The following KCNMA1 variants were observed in gnomAD, a reference collection of about 807,000 sequenced individuals.
KCNMA1 encodes the protein Calcium-activated potassium channel subunit alpha-1.
A neutral mutation model predicts 140.0 loss-of-function variants in KCNMA1; 29 were observed. The ratio of observed to expected loss-of-function variants is 0.21; its 90% CI spans 0.15 to 0.28. The LOEUF is 0.28. Ranked by LOEUF, KCNMA1 falls within the 10% of genes least tolerant of loss-of-function variation. The pLI, the probability that KCNMA1 is intolerant of heterozygous loss-of-function variation, is 1.00. For synonymous variants in KCNMA1, 612 were observed against 611.9 expected, an observed-to-expected ratio of 1.00 and a Z score of 0.00; for missense variants, 880 against 1,602.2, an observed-to-expected ratio of 0.55 and a Z score of 7.70.
intron 1 of KCNMA1, among the ~76,000 whole-genome samples, chr10:77,566,009 C>T (rs1790787662): frequency 7.0e-6 from 1 of 142,788 alleles, no homozygotes; most frequent in Non-Finnish European, 1.6e-5. Context: ...ATTCTCTCCC[C>T]TAAAATCTTC....
chr10:77,223,619 C>T (rs534243756), intron 3 of KCNMA1, among the ~76,000 whole-genome samples: 2 of 152,278 alleles, frequency 1.3e-5, no homozygotes, highest in South Asian at 4.1e-4. Flanking sequence ...CTTACTAGAA[C>T]ACAAGTTCAT....
At chr10:77,385,196 A>C (rs1346103838) in intron 2 of KCNMA1, among the ~76,000 whole-genome samples, 1 of 152,214 alleles carries the variant, frequency 6.6e-6, no homozygotes, top group Admixed American at 6.5e-5. Flanking sequence ...TTATTGAATA[A>C]AAATATGACA....
rs1336572034 is a variant in KCNMA1, at chr10:77,008,396, G to A, written c.2092+3571C>T. ...GAAGAAATGTAAATCATTAGACAAG[G>A]TTTGTTATATAGAAAAAGAAAATGA... On this transcript the variant is annotated intron_variant, in intron 18 of 27. Transcript: ENST00000286628. 2.0e-5 allele frequency among the ~76,000 whole-genome samples: 3 copies of A among 152,180 alleles called. No individual in the cohort carries two copies. In the East Asian group the frequency reaches 5.8e-4, roughly 29 times the overall value.
chr10:77,143,643 A>T (rs1033564415), intron 5 of KCNMA1, among the ~76,000 whole-genome samples: 5 of 152,186 alleles, frequency 3.3e-5, no homozygotes, highest in African/African-American at 7.2e-5. Flanking sequence ...GCCTCTATAA[A>T]CAAACACAGC....
At chr10:77,420,967 G>C (rs570884670) in intron 1 of KCNMA1, among the ~76,000 whole-genome samples, 1 of 152,324 alleles carries the variant, frequency 6.6e-6, no homozygotes, top group African/African-American at 2.4e-5. Flanking sequence ...GTTTCTATCA[G>C]TCACATCATG....
chr10:77,111,670 G>A (rs934241757), intron 7 of KCNMA1, among the ~76,000 whole-genome samples: 4 of 152,126 alleles, frequency 2.6e-5, no homozygotes, highest in Admixed American at 1.3e-4. Context: ...GTAGCTAAGC[G>A]CGTCCTTCTA....
chr10:77,082,794 AC>A (rs1451953312), intron 12 of KCNMA1, among the ~76,000 whole-genome samples: 1 of 152,120 alleles, frequency 6.6e-6, no homozygotes, highest in Non-Finnish European at 1.5e-5. Context: ...TCACGCATCC[AC>A]TTCCTTAAAA....
At chr10:77,051,613 G>A (rs946514491) in intron 14 of KCNMA1, among the ~76,000 whole-genome samples, 1 of 152,170 alleles carries the variant, frequency 6.6e-6, no homozygotes, top group Non-Finnish European at 1.5e-5. Flanking sequence ...ATAAATTGCT[G>A]AGGTATTTAG....
intron 14 of KCNMA1, among the ~76,000 whole-genome samples, chr10:77,060,639 G>C (rs1227132098): frequency 1.3e-5 from 2 of 152,180 alleles, no homozygotes; most frequent in Non-Finnish European, 2.9e-5. Context: ...TTGTTTTGCA[G>C]GGTTGAGACT....
At chr10:77,052,262 C>G (rs942193513) in intron 14 of KCNMA1, among the ~76,000 whole-genome samples, 2 of 152,162 alleles carry the variant, frequency 1.3e-5, no homozygotes, top group African/African-American at 2.4e-5. Flanking sequence ...CTCTGCCACC[C>G]ATGGACTTTC....
intron 15 of KCNMA1, among the ~76,000 whole-genome samples, chr10:77,036,553 A>C (rs908616757): frequency 4.6e-5 from 7 of 152,178 alleles, no homozygotes; most frequent in Non-Finnish European, 8.8e-5. Context: ...AATTACAGAA[A>C]CTGCTCTGAA....
chr10:77,293,534 G>A (rs1040390530), intron 2 of KCNMA1, among the ~76,000 whole-genome samples: 1 of 152,182 alleles, frequency 6.6e-6, no homozygotes, highest in Non-Finnish European at 1.5e-5. Context: ...GAAGGTTCCT[G>A]GTGAAAGGAC....
intron 1 of KCNMA1, among the ~76,000 whole-genome samples, chr10:77,539,837 C>G (rs572355821): frequency 6.6e-6 from 1 of 152,160 alleles, no homozygotes; most frequent in East Asian, 1.9e-4. Flanking sequence ...GCTGGGGAAG[C>G]AGTGGGAATA....
At position 77,251,136 on chromosome 10, in the gene KCNMA1, A is replaced by G. The variant is rs45602845; in HGVS notation, c.602+59T>C. On this transcript the variant is annotated intron_variant, in intron 3 of 27. Coordinates refer to ENST00000286628, the MANE Select transcript of KCNMA1 (RefSeq NM_001161352.2). ...GGTGTCAAGGTAAATAAATGGATCA[A>G]TGTAAAGGCTCATGATTGTTTATGA... The G allele has an allele frequency of 0.017, 21,924 of 1,328,260 alleles. 1,347 individuals carry two copies. In the East Asian group the frequency reaches 0.2, roughly 12 times the overall value. 82.3% of individuals were successfully genotyped at this position (1,328,260 alleles called of 1,614,324 possible).
At chr10:77,627,345 T>TA (rs1257665858) in intron 1 of KCNMA1, among the ~76,000 whole-genome samples, 2 of 152,122 alleles carry the variant, frequency 1.3e-5, no homozygotes, top group African/African-American at 4.8e-5. Context: ...ACCTTGGAGA[T>TA]ACAAGGCACG....
At chr10:77,484,568 G>A (rs2098439921) in intron 1 of KCNMA1, among the ~76,000 whole-genome samples, 1 of 152,132 alleles carries the variant, frequency 6.6e-6, no homozygotes, top group Non-Finnish European at 1.5e-5. Context: ...CAAGGCTCTG[G>A]GCCATCAGTC....
intron 1 of KCNMA1, among the ~76,000 whole-genome samples, chr10:77,450,881 A>G (rs1376247413): frequency 6.6e-6 from 1 of 152,142 alleles, no homozygotes; most frequent in Admixed American, 6.5e-5. Context: ...TAACAGAATG[A>G]TGGGGGCATG....
chr10:77,526,471 A>T (rs2055711244), intron 1 of KCNMA1, among the ~76,000 whole-genome samples: 1 of 152,236 alleles, frequency 6.6e-6, no homozygotes, highest in Non-Finnish European at 1.5e-5. Flanking sequence ...TACCCTTTCA[A>T]ATAAATGCCT....
chr10:77,465,089 A>C (rs1015433805), intron 1 of KCNMA1, among the ~76,000 whole-genome samples: 4 of 152,224 alleles, frequency 2.6e-5, no homozygotes, highest in African/African-American at 9.6e-5. Context: ...CGGTAACTCA[A>C]GTATTAAGTT....
Sources: allele counts gnomAD v4.1 joint callset (sites outside exome capture counted in the v4.1 genomes callset), GRCh38; gene constraint gnomAD v4.1.1; transcripts MANE v1.5; gene names NCBI Gene and HGNC (gene_info 2026-07-23, HGNC 2026-07-21).